The following ZNF20 variants were observed in gnomAD, a reference collection of about 807,000 sequenced individuals.
The protein encoded by ZNF20 is zinc finger protein 20, also known as zinc finger protein KOX13.
In ZNF20, 9 loss-of-function variants were observed where a neutral mutation model predicts 11.0. The observed-to-expected ratio is 0.82, with a 90% CI of 0.49 to 1.43. ZNF20 has a LOEUF of 1.43. ZNF20 is among the 40% of genes most tolerant of loss of function. The pLI is 0.00. For synonymous variants in ZNF20, 182 were observed against 213.0 expected (o/e 0.85, Z 1.27); for missense variants, 528 against 640.8 (o/e 0.82, Z 1.90).
chr19:12,136,668 CA>C lies in ZNF20; in HGVS notation c.4-765del, dbSNP rs1976716795. 2.0e-5 allele frequency among the ~76,000 whole-genome samples: 3 copies of C among 152,086 alleles called. No individual in the cohort carries two copies. In the South Asian group the frequency reaches 6.3e-4, roughly 32 times the overall value. Reference sequence around the variant, plus strand: ...CACCATTGCACTCCAGCCTGGGCAACAAGAGTGAAACTCCGTCTCGAAAAAA... The same window carrying C: ...CACCATTGCACTCCAGCCTGGGCAACAGAGTGAAACTCCGTCTCGAAAAAA... On this transcript the variant is annotated intron_variant, in intron 1 of 3. Coordinates refer to ENST00000334213, the MANE Select transcript of ZNF20 (RefSeq NM_021143.4).
chr19:12,132,500 A>G lies in ZNF20; in HGVS notation c.*87T>C. ...CTCAATTCAAAAAGCAGTTATCCAG[A>G]GGTTCTTTCACCACTCTCTTTTCTT... On this transcript the variant is annotated 3_prime_UTR_variant, in exon 4 of 4. Transcript: ENST00000334213. The G allele has an allele frequency of 7.4e-7, 1 of 1,342,750 alleles. No individual in the cohort carries two copies. The highest frequency in any genetic ancestry group is 1.5e-5 in the South Asian group (1 of 68,248). 83.2% of individuals were successfully genotyped at this position (1,342,750 alleles called of 1,614,324 possible).
At chr19:12,138,356 G>GA (rs764477385) in intron 1 of ZNF20, among the ~76,000 whole-genome samples, 1 of 149,498 alleles carries the variant, frequency 6.7e-6, no homozygotes, top group Non-Finnish European at 1.5e-5. Flanking sequence ...GAGGGCAGGA[G>GA]AATCACCTGA....
In ZNF20 at chr19:12,139,844, GA is replaced by G. The variant is rs58081201; in HGVS notation, c.3+335del. Among the ~76,000 whole-genome samples, 3 of 151,194 alleles carry G rather than the reference GA, an allele frequency of 2.0e-5. No homozygotes were observed. Among genetic ancestry groups the G allele is most frequent in the Non-Finnish European group, 3.0e-5 (2 of 67,738 alleles). On this transcript the variant is annotated intron_variant, in intron 1 of 3. Transcript: ENST00000334213. This position sits in a 1 kb window ranked among gnomAD's most constrained non-coding sequence, Gnocchi z 4.0. ...CGCGCCCGGCCCAAACTCTTTAACA[GA>G]AAAAAAAATCCGCAGGATTCCCCCA...
At chr19:12,137,636 C>T (rs1976733300) in intron 1 of ZNF20, 1 of 152,668 alleles carries the variant, frequency 6.6e-6, no homozygotes, top group Non-Finnish European at 1.5e-5. Context: ...GCCCAAAAGT[C>T]CCTGTCTGTC....
rs188336834 is a variant in ZNF20 at position 12,133,739 on chromosome 19, C to T, written c.447G>A (p.Lys149=). The change falls in exon 4 of 4, where the codon AAG becomes AAA. Residue 149 remains lysine, a synonymous_variant. Coordinates refer to ENST00000334213, the MANE Select transcript of ZNF20 (RefSeq NM_021143.4). The stretch of plus-strand genomic sequence containing the variant: ...AGGAGTCAAGATAACTGAAGGCTTT[C>T]TTACATTCCTTATTTCTATATGGAT... ...GENPYRNKEC[K]KAFSYLDSFQ... is the part of the protein sequence containing the mutation. The T allele has an allele frequency of 1.2e-6, 2 of 1,614,154 alleles. No homozygotes were observed. Among genetic ancestry groups the T allele is most frequent in the Admixed American group, 1.7e-5 (1 of 60,014 alleles).
chr19:12,135,120 G>A (rs1976688915), intron 3 of ZNF20, among the ~76,000 whole-genome samples: 1 of 150,134 alleles, frequency 6.7e-6, no homozygotes, highest in Admixed American at 6.6e-5. Context: ...TATTTCTTTT[G>A]CTTCTTTTTA....
rs1352323185 is a variant in ZNF20, at chr19:12,132,806, G to C, written c.1380C>G (p.Phe460Leu). The change falls in exon 4 of 4, where the codon TTC (phenylalanine) becomes TTG (leucine). Residue 460 changes from phenylalanine (F) to leucine (L), a missense_variant. Phe to Leu is a conservative substitution (Grantham distance 22). Transcript: ENST00000334213. Reference sequence around the variant, plus strand: ...GATATCGAATGGAACTGGAACAAGTGAAGGCTTTGCCACATACCTTACACT... The same window carrying C: ...GATATCGAATGGAACTGGAACAAGTCAAGGCTTTGCCACATACCTTACACT... ...PYECKVCGKA[F>L]TCSSSIRYHE... The C allele has an allele frequency of 1.2e-6, 2 of 1,613,512 alleles. No individual in the cohort carries two copies. The highest frequency in any genetic ancestry group is 1.7e-6 in the Non-Finnish European group (2 of 1,179,896).
chr19:12,138,923 G>C (rs1396514370), intron 1 of ZNF20, among the ~76,000 whole-genome samples: 3 of 152,224 alleles, frequency 2.0e-5, no homozygotes, highest in African/African-American at 7.2e-5. Flanking sequence ...GCAAACTGCT[G>C]AAGAGTTAGG....
chr19:12,136,789 A>C, intron 1 of ZNF20: 1 of 405,182 alleles, frequency 2.5e-6, no homozygotes, highest in Non-Finnish European at 4.9e-6. Context: ...CAGATTCTGA[A>C]AATAGTGAAA....
At chr19:12,140,010 G>A (rs1045864978) in intron 1 of ZNF20, among the ~76,000 whole-genome samples, 170 bp downstream of exon 1, 3 of 152,264 alleles carry the variant, frequency 2.0e-5, no homozygotes, top group Admixed American at 6.5e-5. Context: ...CCCGGCTGCC[G>A]GCCCAGCCGC....
chr19:12,134,792 A>G (rs1976683990), intron 3 of ZNF20, among the ~76,000 whole-genome samples: 1 of 152,124 alleles, frequency 6.6e-6, no homozygotes, highest in Non-Finnish European at 1.5e-5. Flanking sequence ...CTGGGTATAT[A>G]TATTTTTTTA....
Position 12,132,821 on chromosome 19 carries a change from T to C in ZNF20, c.1365A>G (p.Val455=). ...HTGDKPYECK[V]CGKAFTCSSS... is the part of the protein sequence containing the mutation. ...TGGAACAAGTGAAGGCTTTGCCACA[T>C]ACCTTACACTCATATGGCTTATCTC... Residue 455 remains valine, a synonymous_variant, in exon 4 of 4, where the codon GTA becomes GTG. Coordinates refer to ENST00000334213, the MANE Select transcript of ZNF20 (RefSeq NM_021143.4). The C allele has an allele frequency of 6.2e-7, 1 of 1,613,882 alleles. No homozygotes were observed. The highest frequency in any genetic ancestry group is 8.5e-7 in the Non-Finnish European group (1 of 1,179,972).
intron 1 of ZNF20, 69 bp downstream of exon 1, chr19:12,140,111 C>T: frequency 6.4e-7 from 1 of 1,558,638 alleles, no homozygotes; most frequent in Non-Finnish European, 8.7e-7. Context: ...CCAGATCCCA[C>T]CACAGCCGCT....
In ZNF20 at chr19:12,135,658, T is replaced by C. The variant is rs932791240; in HGVS notation, c.140-98A>G. On this transcript the variant is annotated intron_variant, in intron 2 of 3. Transcript: ENST00000334213. ...ATTCATGGTACATGGTAGCCATGCCTGATTTATTCATCAAAGTATTTTTTG... is the reference window on the plus strand; with the variant it reads ...ATTCATGGTACATGGTAGCCATGCCCGATTTATTCATCAAAGTATTTTTTG... 5.0e-6 allele frequency: 8 copies of C among 1,587,838 alleles called. No individual in the cohort carries two copies. The Middle Eastern group carries it at 6.7e-4, about 132-fold the overall frequency.
intron 2 of ZNF20, 80 bp from the exon 3 acceptor site, chr19:12,135,640 G>T: frequency 1.9e-6 from 3 of 1,590,000 alleles, no homozygotes; most frequent in Non-Finnish European, 2.6e-6. Flanking sequence ...TGTATTCATG[G>T]TACATGGTAG....
Position 12,132,333 on chromosome 19 carries a change from C to A in ZNF20, c.*254G>T. ...AAGCGGGTAGCCACACACCTCTCTC[C>A]CTGTGTGGGGCCTCTAATATGTGAC... On this transcript the variant is annotated 3_prime_UTR_variant, in exon 4 of 4. Coordinates refer to ENST00000334213, the MANE Select transcript of ZNF20 (RefSeq NM_021143.4). 4.6e-6 allele frequency: 2 copies of A among 431,264 alleles called. No individual in the cohort carries two copies. The highest frequency in any genetic ancestry group is 4.1e-6 in the Non-Finnish European group (1 of 245,390). 26.7% of individuals were successfully genotyped at this position (431,264 alleles called of 1,614,324 possible).
At chr19:12,138,425 T>C (rs796294119) in intron 1 of ZNF20, among the ~76,000 whole-genome samples, 3 of 125,328 alleles carry the variant, frequency 2.4e-5, no homozygotes, top group African/African-American at 6.5e-5. Flanking sequence ...CAGCCTGGGT[T>C]ACAAAGAGAG....
chr19:12,132,257 T>G lies in ZNF20; in HGVS notation c.*330A>C. On this transcript the variant is annotated 3_prime_UTR_variant, in exon 4 of 4. Coordinates refer to ENST00000334213, the MANE Select transcript of ZNF20 (RefSeq NM_021143.4). ...AACTCTGAGGAACAGAGACAAGTGA[T>G]TTGGGGGATATTCTCGATTAACAAG... 1.2e-5 allele frequency: 3 copies of G among 245,992 alleles called. No homozygotes were observed. The highest frequency in any genetic ancestry group is 9.3e-5 in the East Asian group (1 of 10,810). The allele number at this position is 245,992 out of a possible 1,614,324, so 15.2% of individuals were successfully genotyped here. A position where few individuals can be genotyped will look rare whatever the true frequency, so the allele number is the denominator to read the frequency against.
Position 12,135,770 on chromosome 19 carries a change from T to G in ZNF20, c.138A>C (p.Val46=), listed in dbSNP as rs1976700256. Reference sequence around the variant, plus strand: ...GGGAAGTAATATTGTCATTCTTACCTACAGAGGTCAGGTTCTTGAAGGTTT... The same window carrying G: ...GGGAAGTAATATTGTCATTCTTACCGACAGAGGTCAGGTTCTTGAAGGTTT... ...MQETFKNLTS[V]GKTWKVQNIE... The change falls in exon 2 of 4, where the codon GTA becomes GTC. Residue 46 remains valine (V), a splice_region_variant and synonymous_variant. Coordinates refer to ENST00000334213, the MANE Select transcript of ZNF20 (RefSeq NM_021143.4). The G allele has an allele frequency of 6.2e-7, 1 of 1,613,660 alleles. No individual in the cohort carries two copies. Among genetic ancestry groups the G allele is most frequent in the Admixed American group, 1.7e-5 (1 of 59,886 alleles).
Sources: gnomAD v4.1 joint callset for allele counts (sites outside exome capture counted in the v4.1 genomes callset) on GRCh38, gnomAD v4.1.1 for gene constraint, Gnocchi (gnomAD v3.1) non-coding constraint, MANE v1.5 for transcripts, NCBI Gene and HGNC (gene_info 2026-07-23, HGNC 2026-07-21) for gene names.